TMCC1: variants seen among roughly 807,000 people sequenced by gnomAD.
TMCC1 encodes transmembrane and coiled-coil domains protein 1.
In TMCC1, 15 loss-of-function variants were observed where a neutral mutation model predicts 52.4. The observed-to-expected ratio is 0.29, with a 90% confidence interval of 0.19 to 0.44. TMCC1 has a LOEUF of 0.44. Ranked by LOEUF, TMCC1 falls within the 20% of genes least tolerant of loss-of-function variation. The pLI is 1.00. For synonymous variants in TMCC1, 279 were observed against 301.9 expected, an observed-to-expected ratio of 0.92 and a Z score of 0.79; for missense variants, 503 against 806.0, an observed-to-expected ratio of 0.62 and a Z score of 4.55.
At chr3:129,883,007 A>G (rs1423883253) in intron 1 of TMCC1, among the ~76,000 whole-genome samples, 1 of 152,168 alleles carries the variant, frequency 6.6e-6, no homozygotes, top group Non-Finnish European at 1.5e-5. Context: ...GGTTAAAATC[A>G]GCCAGGCGTG....
Position 129,650,251 on chromosome 3 carries a change from G to C in TMCC1, c.*1230C>G, listed in dbSNP as rs887354664. 12 of 143,930 alleles carry C rather than the reference G, an allele frequency of 8.3e-5. No homozygotes were observed. Among genetic ancestry groups the C allele is most frequent in the Admixed American group, 1.5e-4 (2 of 13,790 alleles). 8.9% of individuals were successfully genotyped at this position (143,930 alleles called of 1,614,324 possible). A position where few individuals can be genotyped will look rare whatever the true frequency, so the allele number is the denominator to read the frequency against. ...TTTCCTAAAGACAACCCCAGCCCAA[G>C]ATCACTGGGTGAACGTTTTCTTGGG... On this transcript the variant is annotated 3_prime_UTR_variant, in exon 7 of 7. Transcript: ENST00000393238.
At chr3:129,655,206 G>C in intron 5 of TMCC1, 103 bp from the exon 6 acceptor site, 1 of 1,404,192 alleles carries the variant, frequency 7.1e-7, no homozygotes, top group Non-Finnish European at 9.6e-7. Context: ...AGGAATAGAA[G>C]CACAAAGAAA....
chr3:129,884,254 T>C (rs1204373741), intron 1 of TMCC1, among the ~76,000 whole-genome samples: 4 of 152,092 alleles, frequency 2.6e-5, no homozygotes, highest in African/African-American at 9.7e-5. Flanking sequence ...AAACAAAATA[T>C]ACACGCATAC....
intron 4 of TMCC1, among the ~76,000 whole-genome samples, chr3:129,774,486 G>C (rs1486155056): frequency 3.3e-5 from 5 of 152,156 alleles, no homozygotes; most frequent in Admixed American, 6.5e-5. Flanking sequence ...GGAAGATACT[G>C]TCCCTGCCCT....
intron 2 of TMCC1, among the ~76,000 whole-genome samples, chr3:129,857,645 T>G (rs1466367139): frequency 1.3e-5 from 2 of 152,052 alleles, no homozygotes; most frequent in Non-Finnish European, 2.9e-5. Flanking sequence ...CACTGCAAGC[T>G]CCGCCTCCCG....
intron 4 of TMCC1, among the ~76,000 whole-genome samples, chr3:129,827,571 G>A (rs1032816709): frequency 3.9e-5 from 6 of 152,050 alleles, no homozygotes; most frequent in African/African-American, 1.2e-4. Context: ...AGGTTTTAAC[G>A]AAAGGATAAA....
intron 4 of TMCC1, among the ~76,000 whole-genome samples, chr3:129,751,533 A>AAACC (rs760219448): frequency 1.5e-4 from 22 of 150,900 alleles, no homozygotes; most frequent in Non-Finnish European, 2.2e-4. Context: ...CTGTCTCTTC[A>AAACC]AACCAACCAA....
rs571395541 is a variant in TMCC1 at position 129,835,347 on chromosome 3, T to A, written c.-183-2521A>T. Reference sequence around the variant, plus strand: ...CTCTTTCATATATATATATATATATTTTAATGACAGGCTTTTCCCATCTGT... The same window carrying A: ...CTCTTTCATATATATATATATATATATTAATGACAGGCTTTTCCCATCTGT... On this transcript the variant is annotated intron_variant, in intron 2 of 6. Coordinates refer to ENST00000393238, the MANE Select transcript of TMCC1 (RefSeq NM_001017395.5). 8.7e-5 allele frequency among the ~76,000 whole-genome samples: 13 copies of A among 149,278 alleles called. No homozygotes were observed. The East Asian group carries it at 9.7e-4, about 11-fold the overall frequency.
intron 4 of TMCC1, among the ~76,000 whole-genome samples, chr3:129,705,888 G>A (rs1443069337): frequency 7.0e-5 from 4 of 57,154 alleles, no homozygotes; most frequent in South Asian, 9.7e-4. Context: ...CACCGCGCCC[G>A]GCCTTTTTTT....
At chr3:129,745,955 C>CT (rs2051914779) in intron 4 of TMCC1, among the ~76,000 whole-genome samples, 1 of 151,196 alleles carries the variant, frequency 6.6e-6, no homozygotes, top group South Asian at 2.1e-4. Context: ...TGGGGTCTTT[C>CT]TTTGTTGCCC....
At chr3:129,781,036 C>T (rs534225949) in intron 4 of TMCC1, among the ~76,000 whole-genome samples, 6 of 152,128 alleles carry the variant, frequency 3.9e-5, no homozygotes, top group Non-Finnish European at 8.8e-5. Context: ...ACAGTTTCAT[C>T]CTCACAGAAA....
chr3:129,768,222 T>C (rs1174286432), intron 4 of TMCC1, among the ~76,000 whole-genome samples: 1 of 152,092 alleles, frequency 6.6e-6, no homozygotes, highest in African/African-American at 2.4e-5. Context: ...ACAAAAAACA[T>C]ATTTCAGTTT....
chr3:129,710,988 A>G (rs201353603), intron 4 of TMCC1, among the ~76,000 whole-genome samples: 2 of 152,062 alleles, frequency 1.3e-5, no homozygotes, highest in African/African-American at 4.8e-5. Flanking sequence ...CTCAGCCTCC[A>G]GAGTAGCTGG....
chr3:129,657,138 T>C (rs1266184246), intron 5 of TMCC1, among the ~76,000 whole-genome samples: 1 of 152,086 alleles, frequency 6.6e-6, no homozygotes, highest in Non-Finnish European at 1.5e-5. Context: ...CTAAGGACTG[T>C]TGGGTGGCAG....
At position 129,827,991 on chromosome 3, in the gene TMCC1, C is replaced by A; in HGVS notation, c.388G>T (p.Ala130Ser). 1.9e-6 allele frequency: 3 copies of A among 1,614,142 alleles called. No individual in the cohort carries two copies. The highest frequency in any genetic ancestry group is 2.5e-6 in the Non-Finnish European group (3 of 1,180,014). The change falls in exon 4 of 7, where the codon GCC (alanine) becomes TCC (serine). Residue 130 changes from alanine (A) to serine (S), a missense_variant. Physicochemically the swap from Ala to Ser is moderately conservative, Grantham distance 99 (BLOSUM62 1). Coordinates refer to ENST00000393238, the MANE Select transcript of TMCC1 (RefSeq NM_001017395.5). ...SLHSRRGKPE[A>S]PKGSPQINRK... ...TTGATTTGGGGACTTCCCTTTGGGGCCTCTGGCTTGCCCCGCCTACTATGC... is the reference window on the plus strand; with the variant it reads ...TTGATTTGGGGACTTCCCTTTGGGGACTCTGGCTTGCCCCGCCTACTATGC...
At chr3:129,795,939 G>C (rs1431123483) in intron 4 of TMCC1, among the ~76,000 whole-genome samples, 1 of 152,172 alleles carries the variant, frequency 6.6e-6, no homozygotes, top group African/African-American at 2.4e-5. Context: ...CAAGAGGAGT[G>C]GTGCTGGCCT....
At chr3:129,890,576 G>A (rs2061920508) in intron 1 of TMCC1, among the ~76,000 whole-genome samples, 1 of 152,126 alleles carries the variant, frequency 6.6e-6, no homozygotes, top group Non-Finnish European at 1.5e-5. Flanking sequence ...AACCCTGCAT[G>A]GAAACAGGAA....
intron 4 of TMCC1, among the ~76,000 whole-genome samples, chr3:129,821,852 C>A (rs2058439532): frequency 6.6e-6 from 1 of 151,914 alleles, no homozygotes; most frequent in Non-Finnish European, 1.5e-5. Flanking sequence ...ATGACTTGAG[C>A]CCAGGAGTTC....
chr3:129,854,132 C>T (rs562372222), intron 2 of TMCC1, among the ~76,000 whole-genome samples: 2 of 152,232 alleles, frequency 1.3e-5, no homozygotes, highest in East Asian at 3.9e-4. Context: ...GGTGTGGTGG[C>T]TCACATCCCA....
Sources: allele counts gnomAD v4.1 joint callset (sites outside exome capture counted in the v4.1 genomes callset), GRCh38; gene constraint gnomAD v4.1.1; transcripts MANE v1.5; gene names NCBI Gene and HGNC (gene_info 2026-07-23, HGNC 2026-07-21).